GAS2L3: variants seen among roughly 807,000 people sequenced by gnomAD.
GAS2L3 encodes growth arrest specific 2 like 3, also known as GAS2-like protein 3.
A neutral mutation model predicts 37.0 loss-of-function variants in GAS2L3; 28 were observed. That is an observed-to-expected ratio of 0.76 (90% CI 0.56 to 1.04). The LOEUF is 1.04. GAS2L3 is among the 50% of genes least tolerant of loss of function. GAS2L3 has a pLI of 0.00. For synonymous variants in GAS2L3, 290 were observed against 296.6 expected, an observed-to-expected ratio of 0.98 and a Z score of 0.23; for missense variants, 793 against 817.6, an observed-to-expected ratio of 0.97 and a Z score of 0.37.
intron 1 of GAS2L3, among the ~76,000 whole-genome samples, chr12:100,590,393 C>T (rs1955830852): frequency 6.6e-6 from 1 of 152,020 alleles, no homozygotes; most frequent in Non-Finnish European, 1.5e-5. Flanking sequence ...GCAAGAATAG[C>T]CATAATCAAA....
chr12:100,575,476 ATTTTTT>A (rs58446699), intron 1 of GAS2L3, among the ~76,000 whole-genome samples: 3 of 88,788 alleles, frequency 3.4e-5, no homozygotes, highest in East Asian at 7.6e-4. Flanking sequence ...TGTTATCTCT[ATTTTTT>A]TTTTTTTTTT....
intron 6 of GAS2L3, among the ~76,000 whole-genome samples, chr12:100,616,224 T>C (rs1956185985): frequency 6.6e-6 from 1 of 152,204 alleles, no homozygotes; most frequent in South Asian, 2.1e-4. Context: ...TCTAAGTACT[T>C]TTTCTTTTTG....
intron 1 of GAS2L3, among the ~76,000 whole-genome samples, chr12:100,581,097 G>A (rs1955706401): frequency 6.6e-6 from 1 of 152,156 alleles, no homozygotes; most frequent in Admixed American, 6.6e-5. Flanking sequence ...CCATAATTAA[G>A]TTTTCTGTAA....
At chr12:100,614,213 C>T (rs961644245) in intron 6 of GAS2L3, among the ~76,000 whole-genome samples, 2 of 152,066 alleles carry the variant, frequency 1.3e-5, no homozygotes, top group Admixed American at 1.3e-4. Context: ...CCTGTAATCC[C>T]AGCACTTTGG....
chr12:100,583,283 T>G (rs1409535855), intron 1 of GAS2L3, among the ~76,000 whole-genome samples: 1 of 152,220 alleles, frequency 6.6e-6, no homozygotes, highest in Non-Finnish European at 1.5e-5. Flanking sequence ...GGTCACATAT[T>G]CACAGGTTCT....
At chr12:100,600,610 G>A (rs1005450819) in intron 4 of GAS2L3, 60 bp downstream of exon 4, 1 of 1,289,284 alleles carries the variant, frequency 7.8e-7, no homozygotes, top group Non-Finnish European at 1.1e-6. Flanking sequence ...TTTATTGAGA[G>A]CCTTACTCTT....
intron 8 of GAS2L3, among the ~76,000 whole-genome samples, chr12:100,619,626 A>ATGTG (rs969504519): frequency 6.6e-6 from 1 of 151,710 alleles, no homozygotes; most frequent in Non-Finnish European, 1.5e-5. Flanking sequence ...TATGCTATTC[A>ATGTG]TGTGTGTGTG....
At chr12:100,612,281 T>A in intron 6 of GAS2L3, 140 bp downstream of exon 6, 1 of 683,196 alleles carries the variant, frequency 1.5e-6, no homozygotes, top group Non-Finnish European at 2.5e-6. Context: ...TGAATATATG[T>A]AGAATTATTG....
chr12:100,574,198 A>T (rs779481773), intron 1 of GAS2L3, among the ~76,000 whole-genome samples: 4 of 152,138 alleles, frequency 2.6e-5, no homozygotes, highest in Non-Finnish European at 5.9e-5. Flanking sequence ...CTCATCCCTA[A>T]GCGCCTGGCA....
intron 1 of GAS2L3, among the ~76,000 whole-genome samples, chr12:100,583,632 G>A (rs746509649): frequency 2.6e-5 from 4 of 151,886 alleles, no homozygotes; most frequent in African/African-American, 4.8e-5. Context: ...CCACCATGCC[G>A]ACTAATTTTT....
Position 100,601,654 on chromosome 12 carries a change from A to G in GAS2L3, c.204A>G (p.Ala68=), listed in dbSNP as rs1435551438. 8 of 1,544,636 alleles carry G rather than the reference A, an allele frequency of 5.2e-6. No homozygotes were observed. Among genetic ancestry groups the G allele is most frequent in the Non-Finnish European group, 7.2e-6 (8 of 1,118,876 alleles). Reference sequence around the variant, plus strand: ...TGTTTTTAGGTATTAAAGTTAAGGCAGAAAAATTATTGGAAGAACTTGATA... The same window carrying G: ...TGTTTTTAGGTATTAAAGTTAAGGCGGAAAAATTATTGGAAGAACTTGATA... ...LSGLLGIKVK[A]EKLLEELDNG... The change falls in exon 5 of 10, where the codon GCA becomes GCG. Residue 68 remains alanine (A), a synonymous_variant. Coordinates refer to ENST00000547754, the MANE Select transcript of GAS2L3 (RefSeq NM_174942.3).
intron 3 of GAS2L3, among the ~76,000 whole-genome samples, chr12:100,595,206 T>G (rs1366489704): frequency 6.6e-6 from 1 of 151,958 alleles, no homozygotes; most frequent in Non-Finnish European, 1.5e-5. Flanking sequence ...GGTTGGTAGG[T>G]CTGTCTTATT....
Position 100,624,708 on chromosome 12 carries a change from G to A in GAS2L3, c.1903G>A (p.Val635Ile), listed in dbSNP as rs775373379. Residue 635 changes from valine to isoleucine, a missense_variant, in exon 10 of 10, where the codon GTC (valine) becomes ATC (isoleucine). By Grantham distance (29) the Val-to-Ile change is conservative (BLOSUM62 3). Transcript: ENST00000547754. ...AACTGCACCGAAGTCAGCACAGACT[G>A]TCGCTAAGAGCCAGCATTCAACTAA... ...TQTAPKSAQTVAKSQHSTKGP... is the reference protein window; with the variant it reads ...TQTAPKSAQTIAKSQHSTKGP... The A allele has an allele frequency of 6.2e-7, 1 of 1,614,044 alleles. No individual in the cohort carries two copies. The highest frequency in any genetic ancestry group is 2.2e-5 in the East Asian group (1 of 44,866).
intron 1 of GAS2L3, among the ~76,000 whole-genome samples, chr12:100,576,343 G>T (rs370303059): frequency 6.6e-6 from 1 of 152,136 alleles, no homozygotes; most frequent in African/African-American, 2.4e-5. Context: ...TGCTGTTGAT[G>T]ATGAGGAAAG....
intron 5 of GAS2L3, among the ~76,000 whole-genome samples, chr12:100,608,125 G>A (rs959542444): frequency 2.6e-5 from 4 of 152,166 alleles, no homozygotes; most frequent in African/African-American, 9.7e-5. Context: ...GACTTATAGA[G>A]GTACCACCTT....
intron 1 of GAS2L3, among the ~76,000 whole-genome samples, chr12:100,589,410 A>G (rs1171658424): frequency 6.6e-6 from 1 of 152,228 alleles, no homozygotes; most frequent in Non-Finnish European, 1.5e-5. Flanking sequence ...AACACTGCTG[A>G]AACAAATCAT....
intron 1 of GAS2L3, among the ~76,000 whole-genome samples, chr12:100,575,741 G>C (rs1483590547): frequency 1.3e-5 from 2 of 151,986 alleles, no homozygotes; most frequent in Non-Finnish European, 2.9e-5. Context: ...GCCTCCCAAA[G>C]CTCTGGGATT....
intron 1 of GAS2L3, among the ~76,000 whole-genome samples, chr12:100,590,216 G>T (rs1006067818): frequency 6.6e-6 from 1 of 152,010 alleles, no homozygotes; most frequent in African/African-American, 2.4e-5. Flanking sequence ...AGACAAATCA[G>T]TAAGAAAAAC....
chr12:100,611,869 C>A (rs1179986508), intron 5 of GAS2L3, 131 bp from the exon 6 acceptor site: 1 of 662,534 alleles, frequency 1.5e-6, no homozygotes, highest in Non-Finnish European at 2.6e-6. Context: ...TCAAAACTAT[C>A]TTTTTTCTCT....
Sources: allele counts gnomAD v4.1 joint callset (sites outside exome capture counted in the v4.1 genomes callset), GRCh38; gene constraint gnomAD v4.1.1; transcripts MANE v1.5; gene names NCBI Gene and HGNC (gene_info 2026-07-23, HGNC 2026-07-21).